Variants in DPYD observed in about 807,000 individuals in gnomAD.
The protein encoded by DPYD is dihydropyrimidine dehydrogenase [NADP(+)].
A neutral mutation model predicts 116.2 loss-of-function variants in DPYD; 109 were observed. The ratio of observed to expected loss-of-function variants is 0.94; its 90% CI spans 0.80 to 1.10. DPYD has a LOEUF of 1.10. Among genes scored for constraint, DPYD ranks in the 50% least tolerant of loss-of-function variants. DPYD has a pLI of 0.00. For missense variants in DPYD, 1,302 were observed against 1,254.5 expected (o/e 1.04, Z -0.57); for synonymous variants, 440 against 432.0 (o/e 1.02, Z -0.23).
At chr1:97,685,679 C>A (rs1660686666) in intron 7 of DPYD, among the ~76,000 whole-genome samples, 1 of 152,096 alleles carries the variant, frequency 6.6e-6, no homozygotes, top group Non-Finnish European at 1.5e-5. Flanking sequence ...CACTAGCATT[C>A]CTATACACCA....
Position 97,263,588 on chromosome 1 carries a change from T to G in DPYD, c.2300-28594A>C, listed in dbSNP as rs12566576. On this transcript the variant is annotated intron_variant, in intron 18 of 22. Coordinates refer to ENST00000370192, the MANE Select transcript of DPYD (RefSeq NM_000110.4). The stretch of plus-strand genomic sequence containing the variant: ...ATTTATTATTTAAGGGTTGAACCAT[T>G]AAAACAATTACACTTAAGAAAATAT... Among the ~76,000 whole-genome samples the G allele has an allele frequency of 2.1e-3, 320 of 152,192 alleles. 9 individuals carry two copies. In the East Asian group the frequency reaches 0.056, roughly 27 times the overall value.
intron 16 of DPYD, among the ~76,000 whole-genome samples, chr1:97,333,060 CTT>C (rs10681575): frequency 5.2e-5 from 7 of 133,834 alleles, no homozygotes; most frequent in Admixed American, 7.5e-5. Flanking sequence ...ACTGCTAATT[CTT>C]TTTTTTTTTT....
intron 4 of DPYD, among the ~76,000 whole-genome samples, chr1:97,736,833 GGTGTGTGTGTGTGCATTTGTGTGT>G (rs1663972336): frequency 7.0e-6 from 1 of 143,474 alleles, no homozygotes; most frequent in Non-Finnish European, 1.5e-5. Flanking sequence ...TAGAGGTGGG[GGTGTGTGTGTGTGCATTTGTGTGT>G]GTGTGTGTGT....
At chr1:97,886,853 A>G (rs1017903771) in intron 1 of DPYD, among the ~76,000 whole-genome samples, 1 of 152,058 alleles carries the variant, frequency 6.6e-6, no homozygotes, top group African/African-American at 2.4e-5. Flanking sequence ...GGAAAGAAAC[A>G]TAAGATGAGT....
At chr1:97,173,192 G>A (rs769402168) in intron 20 of DPYD, among the ~76,000 whole-genome samples, 3 of 145,938 alleles carry the variant, frequency 2.1e-5, no homozygotes, top group Non-Finnish European at 4.6e-5. Context: ...ATATATATGT[G>A]TATATATGTG....
chr1:97,742,905 A>G (rs1233662297), intron 3 of DPYD, among the ~76,000 whole-genome samples: 1 of 152,136 alleles, frequency 6.6e-6, no homozygotes, highest in Non-Finnish European at 1.5e-5. Context: ...ATGGCACATC[A>G]TATGGATTCT....
At chr1:97,351,607 A>C (rs1670148120) in intron 16 of DPYD, among the ~76,000 whole-genome samples, 1 of 152,140 alleles carries the variant, frequency 6.6e-6, no homozygotes, top group South Asian at 2.1e-4. Flanking sequence ...AAGACAGTAC[A>C]CTAACTTTTT....
At chr1:97,586,232 A>G (rs1654087575) in intron 10 of DPYD, 1 of 152,222 alleles carries the variant, frequency 6.6e-6, no homozygotes, top group Non-Finnish European at 1.5e-5. Flanking sequence ...ATGGAAAGCC[A>G]AATCTCACCA....
intron 20 of DPYD, among the ~76,000 whole-genome samples, chr1:97,185,308 C>G (rs1390533276): frequency 6.6e-6 from 1 of 152,008 alleles, no homozygotes. Context: ...ACTAGAATAG[C>G]TGAAACTAAA....
At chr1:97,663,379 G>C (rs923774864) in intron 8 of DPYD, among the ~76,000 whole-genome samples, 21 of 152,228 alleles carry the variant, frequency 1.4e-4, no homozygotes, top group African/African-American at 4.6e-4. Context: ...CTATTTCTTA[G>C]ATCTTTACCC....
At chr1:97,670,116 T>C (rs1038610556) in intron 8 of DPYD, among the ~76,000 whole-genome samples, 1 of 152,182 alleles carries the variant, frequency 6.6e-6, no homozygotes, top group South Asian at 2.1e-4. Flanking sequence ...AAGGGTTGTG[T>C]ACTGTGATGT....
chr1:97,134,186 T>C lies in DPYD; in HGVS notation c.2623-35554A>G, dbSNP rs1653608362. Among the ~76,000 whole-genome samples the C allele has an allele frequency of 3.3e-5, 5 of 151,186 alleles. No individual in the cohort carries two copies. The South Asian group carries it at 1.0e-3, about 32-fold the overall frequency. Reference sequence around the variant, plus strand: ...TGGCCAAGCTAGGGTTTTATATAGCTGGCTCTAGGCTGACCATAAGTTTTC... The same window carrying C: ...TGGCCAAGCTAGGGTTTTATATAGCCGGCTCTAGGCTGACCATAAGTTTTC... On this transcript the variant is annotated intron_variant, in intron 20 of 22. Transcript: ENST00000370192.
intron 3 of DPYD, among the ~76,000 whole-genome samples, chr1:97,772,000 G>A (rs1351547303): frequency 2.0e-5 from 3 of 151,968 alleles, no homozygotes; most frequent in Admixed American, 2.0e-4. Context: ...TAAGTAAAAG[G>A]TATTAATATT....
chr1:97,406,108 C>T (rs551104671), intron 14 of DPYD, among the ~76,000 whole-genome samples: 22 of 151,956 alleles, frequency 1.4e-4, no homozygotes, highest in Middle Eastern at 3.4e-3. Flanking sequence ...GGTTTTCCTA[C>T]GCTGGTCCTG....
At chr1:97,376,887 G>GTGTGTGTGTGTGTGTGTA in intron 15 of DPYD, among the ~76,000 whole-genome samples, 1 of 128,408 alleles carries the variant, frequency 7.8e-6, no homozygotes, top group African/African-American at 2.9e-5. Flanking sequence ...GTGTGTGTGT[G>GTGTGTGTGTGTGTGTGTA]TATATATATA....
At chr1:97,216,259 G>T (rs1340229297) in intron 19 of DPYD, among the ~76,000 whole-genome samples, 1 of 150,716 alleles carries the variant, frequency 6.6e-6, no homozygotes, top group Non-Finnish European at 1.5e-5. Context: ...ATGATGCACA[G>T]ATACATAGTT....
chr1:97,125,348 G>T (rs1374328366), intron 20 of DPYD, among the ~76,000 whole-genome samples: 1 of 151,994 alleles, frequency 6.6e-6, no homozygotes, highest in Non-Finnish European at 1.5e-5. Context: ...AACAGAAAAA[G>T]TATTACACCA....
intron 12 of DPYD, among the ~76,000 whole-genome samples, chr1:97,529,368 T>TA (rs1649388837): frequency 6.6e-6 from 1 of 152,154 alleles, no homozygotes; most frequent in Non-Finnish European, 1.5e-5. Flanking sequence ...CTTTCTTTTT[T>TA]AAAAAAAGTA....
At position 97,508,483 on chromosome 1, in the gene DPYD, T is replaced by C. The variant is rs558978291; in HGVS notation, c.1740+7243A>G. 4.6e-5 allele frequency among the ~76,000 whole-genome samples: 7 copies of C among 152,066 alleles called. 2 individuals are homozygous for C. Among genetic ancestry groups the C allele is most frequent in the African/African-American group, 1.7e-4 (7 of 41,522 alleles). ...TAAATCAAAATGCTCTCTTGTATTC[T>C]CTCTGAAATTGCACATAGAAATATA... is the stretch of plus-strand genomic sequence containing the variant. On this transcript the variant is annotated intron_variant, in intron 13 of 22. Coordinates refer to ENST00000370192, the MANE Select transcript of DPYD (RefSeq NM_000110.4).
Sources: gnomAD v4.1 joint callset for allele counts (sites outside exome capture counted in the v4.1 genomes callset) on GRCh38, gnomAD v4.1.1 for gene constraint, MANE v1.5 for transcripts, NCBI Gene and HGNC (gene_info 2026-07-23, HGNC 2026-07-21) for gene names.